EIPR1: variants seen among roughly 807,000 people sequenced by gnomAD.
EIPR1 encodes EARP and GARP complex-interacting protein 1.
A neutral mutation model predicts 48.1 loss-of-function variants in EIPR1; 25 were observed. The ratio of observed to expected loss-of-function variants is 0.52; its 90% CI spans 0.38 to 0.73. EIPR1 has a LOEUF of 0.73. EIPR1 is among the 30% of genes least tolerant of loss of function. The probability of loss-of-function intolerance (pLI) is 0.00; values close to 1 mark genes in which losing one functional copy is unlikely to be tolerated. For synonymous variants in EIPR1, 204 were observed against 201.9 expected (o/e 1.01, Z -0.09); for missense variants, 415 against 506.2 (o/e 0.82, Z 1.73).
chr2:3,241,824 T>A (rs954644155), intron 4 of EIPR1, among the ~76,000 whole-genome samples: 1 of 152,154 alleles, frequency 6.6e-6, no homozygotes, highest in African/African-American at 2.4e-5. Flanking sequence ...TGGGATATGG[T>A]CCTAATTCGG....
chr2:3,268,683 C>T (rs1667570547), intron 3 of EIPR1, among the ~76,000 whole-genome samples: 1 of 152,146 alleles, frequency 6.6e-6, no homozygotes, highest in South Asian at 2.1e-4. Flanking sequence ...TAGGACAGCG[C>T]GCGCAAGGGG....
rs149747370 is a variant in EIPR1, at chr2:3,340,632, T to C, written c.127-2483A>G. Among the ~76,000 whole-genome samples, 98 of 152,356 alleles carry C rather than the reference T, an allele frequency of 6.4e-4. 1 individual carries two copies. The highest frequency in any genetic ancestry group is 2.2e-3 in the African/African-American group (90 of 41,574). Reference sequence around the variant, plus strand: ...ATATTATTAGTTATTAAATGATTACTTAGTGATATTGAGAAAAACATTTGG... The same window carrying C: ...ATATTATTAGTTATTAAATGATTACCTAGTGATATTGAGAAAAACATTTGG... On this transcript the variant is annotated intron_variant, in intron 2 of 8. Transcript: ENST00000382125.
At chr2:3,309,560 C>T (rs764849753) in intron 3 of EIPR1, among the ~76,000 whole-genome samples, 1 of 152,150 alleles carries the variant, frequency 6.6e-6, no homozygotes, top group Non-Finnish European at 1.5e-5. Flanking sequence ...AGGGAATAAA[C>T]ACACGCACAT....
rs1282055040 is a variant in EIPR1, at chr2:3,223,366, CA to C, written c.417-9119del. On this transcript the variant is annotated intron_variant, in intron 4 of 8. Coordinates refer to ENST00000382125, the MANE Select transcript of EIPR1 (RefSeq NM_003310.5). Reference sequence around the variant, plus strand: ...CTGGCCAGACTCTCAACTGTATGAGCAACGAGCTCACACCTCCCACTCATGG... The same window carrying C: ...CTGGCCAGACTCTCAACTGTATGAGCACGAGCTCACACCTCCCACTCATGG... Among the ~76,000 whole-genome samples, 15 of 152,240 alleles carry C rather than the reference CA, an allele frequency of 9.9e-5. No homozygotes were observed. The East Asian group carries it at 2.9e-3, about 29-fold the overall frequency.
chr2:3,279,374 G>A (rs747953476), intron 3 of EIPR1, among the ~76,000 whole-genome samples: 9 of 152,140 alleles, frequency 5.9e-5, no homozygotes, highest in Admixed American at 2.0e-4. Context: ...GGAAGAGGTC[G>A]GAATAGTCTG....
At chr2:3,356,310 A>G (rs988375928) in intron 1 of EIPR1, among the ~76,000 whole-genome samples, 1 of 152,236 alleles carries the variant, frequency 6.6e-6, no homozygotes, top group African/African-American at 2.4e-5. Context: ...GCCCCCAGCA[A>G]TCTCAGAAGT....
chr2:3,312,709 C>T lies in EIPR1; in HGVS notation c.259+25308G>A, dbSNP rs1399631779. On this transcript the variant is annotated intron_variant, in intron 3 of 8. Transcript: ENST00000382125. The surrounding 1 kb of genome is among the most constrained non-coding windows in gnomAD (Gnocchi z 5.5). ...GAAGAGCCTCCACTGGTCCCTTCAA[C>T]GAGATCTTTGGTGCCCCAGGCTTGA... Among the ~76,000 whole-genome samples the T allele has an allele frequency of 7.2e-5, 11 of 152,160 alleles. No individual in the cohort carries two copies. Among genetic ancestry groups the T allele is most frequent in the Admixed American group, 2.0e-4 (3 of 15,280 alleles).
intron 3 of EIPR1, among the ~76,000 whole-genome samples, chr2:3,289,568 AG>A (rs1235531964): frequency 6.6e-6 from 1 of 152,008 alleles, no homozygotes; most frequent in Non-Finnish European, 1.5e-5. Context: ...CTTGTAAACG[AG>A]GCATGCCCAG....
At position 3,243,328 on chromosome 2, in the gene EIPR1, C is replaced by T. The variant is rs184846096; in HGVS notation, c.416+13971G>A. 5.9e-5 allele frequency among the ~76,000 whole-genome samples: 9 copies of T among 152,250 alleles called. No individual in the cohort carries two copies. In the East Asian group the frequency reaches 1.7e-3, roughly 29 times the overall value. Reference sequence around the variant, plus strand: ...AGCTCAACAGAAACAAGCACTCTAACACTAAGAATTCACAAGCAAGGCCAG... The same window carrying T: ...AGCTCAACAGAAACAAGCACTCTAATACTAAGAATTCACAAGCAAGGCCAG... On this transcript the variant is annotated intron_variant, in intron 4 of 8. Coordinates refer to ENST00000382125, the MANE Select transcript of EIPR1 (RefSeq NM_003310.5).
At chr2:3,215,895 C>A (rs117720395) in intron 4 of EIPR1, among the ~76,000 whole-genome samples, 1 of 152,174 alleles carries the variant, frequency 6.6e-6, no homozygotes, top group Non-Finnish European at 1.5e-5. Flanking sequence ...AGGCACATCA[C>A]GTCTATATTA....
At chr2:3,330,931 T>TGAGCAGAGGCAGGCAC (rs1553302085) in intron 3 of EIPR1, among the ~76,000 whole-genome samples, 6,127 of 100,796 alleles carry the variant, frequency 0.061, 184 homozygotes, top group East Asian at 0.19. Flanking sequence ...CTGGCAAGTG[T>TGAGCAGAGGCAGGCAC]ACACTCGTGA....
At chr2:3,298,371 G>A (rs1347659646) in intron 3 of EIPR1, 2 of 152,178 alleles carry the variant, frequency 1.3e-5, no homozygotes, top group East Asian at 1.9e-4. Context: ...TTTATTGATG[G>A]CTGGGTTGTG....
At chr2:3,197,801 G>T (rs2103110018) in intron 5 of EIPR1, among the ~76,000 whole-genome samples, 1 of 152,312 alleles carries the variant, frequency 6.6e-6, no homozygotes, top group South Asian at 2.1e-4. Context: ...TCCTCCTGAG[G>T]GACACAGTTC....
At chr2:3,216,605 AT>A (rs1187890709) in intron 4 of EIPR1, among the ~76,000 whole-genome samples, 43 of 152,306 alleles carry the variant, frequency 2.8e-4, no homozygotes, top group Non-Finnish European at 1.5e-5. Context: ...CCACAGACCA[AT>A]TTTAATAATG....
intron 3 of EIPR1, chr2:3,318,909 C>A: frequency 2.1e-6 from 1 of 471,410 alleles, no homozygotes; most frequent in Non-Finnish European, 4.4e-6. Flanking sequence ...CAAAGACAAT[C>A]GTGGGACTCT....
chr2:3,305,808 G>A (rs1233744637), intron 3 of EIPR1, among the ~76,000 whole-genome samples: 1 of 152,216 alleles, frequency 6.6e-6, no homozygotes, highest in Non-Finnish European at 1.5e-5. Flanking sequence ...AGTCTTCTAA[G>A]TGTCTGTCAT....
intron 4 of EIPR1, among the ~76,000 whole-genome samples, chr2:3,247,721 T>C (rs972522164): frequency 1.3e-5 from 2 of 152,172 alleles, no homozygotes; most frequent in Non-Finnish European, 2.9e-5. Flanking sequence ...TAGCTATCAG[T>C]TTAATCATTG....
chr2:3,202,998 T>G lies in EIPR1; in HGVS notation c.517-5981A>C, dbSNP rs779306696. On this transcript the variant is annotated intron_variant, in intron 5 of 8. Transcript: ENST00000382125. ...CACACTCGGTGTCTGGCTGCCGAGGTAAATGTGTGCAATGAAAAGAAATCA... is the reference window on the plus strand; with the variant it reads ...CACACTCGGTGTCTGGCTGCCGAGGGAAATGTGTGCAATGAAAAGAAATCA... Among the ~76,000 whole-genome samples, 59 of 152,116 alleles carry G rather than the reference T, an allele frequency of 3.9e-4. 1 individual carries two copies. Among genetic ancestry groups the G allele is most frequent in the Non-Finnish European group, 1.3e-4 (9 of 68,022 alleles).
At chr2:3,296,458 C>T (rs1268065698) in intron 3 of EIPR1, among the ~76,000 whole-genome samples, 2 of 113,466 alleles carry the variant, frequency 1.8e-5, no homozygotes, top group African/African-American at 3.4e-5. Flanking sequence ...CATCCTCTCT[C>T]CACACACACA....
Sources: gnomAD v4.1 joint callset for allele counts (sites outside exome capture counted in the v4.1 genomes callset) on GRCh38, gnomAD v4.1.1 for gene constraint, Gnocchi (gnomAD v3.1) non-coding constraint, MANE v1.5 for transcripts, NCBI Gene and HGNC (gene_info 2026-07-23, HGNC 2026-07-21) for gene names.